The following NAV2 variants were observed in gnomAD, a reference collection of about 807,000 sequenced individuals.
The protein encoded by NAV2 is neuron navigator 2.
NAV2 carries 54 observed loss-of-function variants against 223.2 expected under a neutral mutation model. The observed-to-expected ratio is 0.24, with a 90% CI of 0.19 to 0.30. The LOEUF is 0.30. Ranked by LOEUF, NAV2 falls within the 10% of genes least tolerant of loss-of-function variation. The probability of loss-of-function intolerance (pLI) is 1.00; values close to 1 mark genes in which losing one functional copy is unlikely to be tolerated. For missense variants in NAV2, 2,806 were observed against 3,147.5 expected (o/e 0.89, Z 2.60); for synonymous variants, 1,279 against 1,239.3 (o/e 1.03, Z -0.67).
intron 1 of NAV2, among the ~76,000 whole-genome samples, chr11:19,615,112 A>G (rs2046755487): frequency 6.6e-6 from 1 of 152,110 alleles, no homozygotes; most frequent in Non-Finnish European, 1.5e-5. Flanking sequence ...TGGGCTCACT[A>G]GTGCCTACTC....
chr11:19,709,453 A>G (rs2049791435), upstream of NAV2, among the ~76,000 whole-genome samples: 1 of 148,802 alleles, frequency 6.7e-6, no homozygotes, highest in South Asian at 2.2e-4. Flanking sequence ...GAGGCAGGAG[A>G]ATGGGGTGTA....
chr11:20,022,591 A>G, intron 11 of NAV2: 2 of 986,064 alleles, frequency 2.0e-6, no homozygotes, highest in Non-Finnish European at 2.4e-6. Flanking sequence ...TTCAGACGTC[A>G]ATGGAATGAG....
At chr11:20,063,014 A>G (rs897510286) in intron 20 of NAV2, among the ~76,000 whole-genome samples, 1 of 152,190 alleles carries the variant, frequency 6.6e-6, no homozygotes, top group African/African-American at 2.4e-5. Flanking sequence ...CTTTATCTGT[A>G]AAGTAGAAAT....
chr11:19,976,759 G>T (rs1334637841), intron 10 of NAV2, among the ~76,000 whole-genome samples: 1 of 152,184 alleles, frequency 6.6e-6, no homozygotes. Context: ...GAGAAGCAGG[G>T]GCTGGTGCCC....
At chr11:19,455,521 A>G (rs75543288) in intron 1 of NAV2, among the ~76,000 whole-genome samples, 2,135 of 152,294 alleles carry the variant, frequency 0.014, 50 homozygotes, top group African/African-American at 0.047. Flanking sequence ...TGTAATTTCT[A>G]CAAGGCAAGA....
At chr11:19,582,778 A>G (rs1322598073) in intron 1 of NAV2, among the ~76,000 whole-genome samples, 2 of 152,122 alleles carry the variant, frequency 1.3e-5, no homozygotes, top group African/African-American at 4.8e-5. Flanking sequence ...GCCTTGTAGT[A>G]TAGTTTGAAG....
chr11:19,785,789 G>A (rs752333615), intron 1 of NAV2, among the ~76,000 whole-genome samples: 7 of 152,008 alleles, frequency 4.6e-5, no homozygotes, highest in Non-Finnish European at 8.8e-5. Context: ...CTCTTGTTAG[G>A]TACTATTCCA....
At chr11:19,825,915 G>C (rs2059623143) in intron 1 of NAV2, among the ~76,000 whole-genome samples, 1 of 152,180 alleles carries the variant, frequency 6.6e-6, no homozygotes, top group Non-Finnish European at 1.5e-5. Context: ...TCACTGTTTA[G>C]CTGTCTTAGC....
intron 1 of NAV2, among the ~76,000 whole-genome samples, chr11:19,419,386 A>G (rs1436061133): frequency 2.0e-5 from 3 of 152,166 alleles, no homozygotes; most frequent in Admixed American, 1.3e-4. Context: ...AATCTCATGA[A>G]TATGATTCTC....
chr11:19,693,211 C>T (rs1218531025), intron 1 of NAV2, among the ~76,000 whole-genome samples: 1 of 152,254 alleles, frequency 6.6e-6, no homozygotes, highest in Non-Finnish European at 1.5e-5. Context: ...GTGTGACTCT[C>T]ACCCTCCACA....
Position 20,017,519 on chromosome 11 carries a change from T to C in NAV2, c.2769-18440T>C, listed in dbSNP as rs147803159. Among the ~76,000 whole-genome samples the C allele has an allele frequency of 4.8e-3, 728 of 152,322 alleles. 2 individuals are homozygous for C. Among genetic ancestry groups the C allele is most frequent in the African/African-American group, 0.017 (703 of 41,568 alleles). On this transcript the variant is annotated intron_variant, in intron 11 of 37. Transcript: ENST00000349880. ...TGTGACTCTCTTTCACAGCACCCTG[T>C]TTATTTCTGTCATCACTTTCCCCGT... is the stretch of plus-strand genomic sequence containing the variant.
At chr11:20,082,943 CT>C (rs1565019047) in intron 25 of NAV2, 63 bp from the exon 26 acceptor site, 4 of 1,455,966 alleles carry the variant, frequency 2.7e-6, no homozygotes, top group East Asian at 2.3e-5. Flanking sequence ...GTGCATGTCT[CT>C]GTTTTGCCAA....
At chr11:19,664,322 G>T (rs1172536471) in intron 1 of NAV2, among the ~76,000 whole-genome samples, 1 of 152,156 alleles carries the variant, frequency 6.6e-6, no homozygotes, top group East Asian at 1.9e-4. Context: ...GGGCATGCAG[G>T]CATGGATTGG....
chr11:19,576,622 G>A (rs1390165665), intron 1 of NAV2, among the ~76,000 whole-genome samples: 1 of 152,116 alleles, frequency 6.6e-6, no homozygotes, highest in Non-Finnish European at 1.5e-5. Context: ...TATATATTTA[G>A]CTTGTTGTAA....
chr11:19,697,948 C>T (rs1298685802), intron 1 of NAV2, among the ~76,000 whole-genome samples: 1 of 152,188 alleles, frequency 6.6e-6, no homozygotes, highest in African/African-American at 2.4e-5. Context: ...CTCTGTGCCT[C>T]CTTCCCTGGA....
In NAV2 at chr11:20,121,194, A is replaced by ATCCAACT. The variant is rs2063456296; in HGVS notation, c.*2938_*2944dup. The ATCCAACT allele has an allele frequency of 6.6e-6, 1 of 152,650 alleles. No individual in the cohort carries two copies. Among genetic ancestry groups the ATCCAACT allele is most frequent in the Non-Finnish European group, 1.5e-5 (1 of 68,046 alleles). The allele number at this position is 152,650 out of a possible 1,614,324, so 9.5% of individuals were successfully genotyped here. A position where few individuals can be genotyped will look rare whatever the true frequency, so the allele number is the denominator to read the frequency against. On this transcript the variant is annotated 3_prime_UTR_variant, in exon 38 of 38. Transcript: ENST00000349880. ...GAATCTACTTCAAAAAGGAAAAATAATCCAACTTTGTGGATATTAAATGGA... is the reference window on the plus strand; with the variant it reads ...GAATCTACTTCAAAAAGGAAAAATAATCCAACTTCCAACTTTGTGGATATTAAATGGA...
intron 11 of NAV2, among the ~76,000 whole-genome samples, chr11:20,004,815 C>T (rs1190522444): frequency 6.6e-6 from 1 of 152,124 alleles, no homozygotes; most frequent in African/African-American, 2.4e-5. Flanking sequence ...TCCTTTTTTC[C>T]AATCCTTCTT....
At chr11:19,593,729 A>G (rs2046124306) in intron 1 of NAV2, among the ~76,000 whole-genome samples, 1 of 137,684 alleles carries the variant, frequency 7.3e-6, no homozygotes, top group Non-Finnish European at 1.5e-5. Context: ...TTTTAATTTT[A>G]TCTGCTCTAA....
intron 1 of NAV2, among the ~76,000 whole-genome samples, chr11:19,507,447 C>G (rs2043156215): frequency 6.6e-6 from 1 of 152,128 alleles, no homozygotes. Flanking sequence ...CAGGATTTTA[C>G]AGGATTTTGA....
Sources: gnomAD v4.1 joint callset for allele counts (sites outside exome capture counted in the v4.1 genomes callset) on GRCh38, gnomAD v4.1.1 for gene constraint, MANE v1.5 for transcripts, NCBI Gene and HGNC (gene_info 2026-07-23, HGNC 2026-07-21) for gene names.